CTNNA3: variants seen among roughly 807,000 people sequenced by gnomAD.
CTNNA3 encodes the protein catenin alpha-3.
In CTNNA3, 76 loss-of-function variants were observed where a neutral mutation model predicts 95.7. The ratio of observed to expected loss-of-function variants is 0.79; its 90% confidence interval spans 0.66 to 0.96. The LOEUF (loss-of-function observed/expected upper bound fraction) is 0.96. Ranked by LOEUF, CTNNA3 falls within the 40% of genes least tolerant of loss-of-function variation. The probability of loss-of-function intolerance (pLI) is 0.00; values close to 1 mark genes in which losing one functional copy is unlikely to be tolerated. For missense variants in CTNNA3, 1,191 were observed against 1,089.8 expected, an observed-to-expected ratio of 1.09 and a Z score of -1.31; for synonymous variants, 431 against 374.4, an observed-to-expected ratio of 1.15 and a Z score of -1.74.
At chr10:67,562,658 T>G (rs542965012) in intron 3 of CTNNA3, among the ~76,000 whole-genome samples, 3,128 of 151,242 alleles carry the variant, frequency 0.021, 137 homozygotes, top group African/African-American at 0.071. Context: ...GCAGGAGAAG[T>G]AAATAAAGGG....
At chr10:66,813,295 A>G (rs1723351505) in intron 7 of CTNNA3, among the ~76,000 whole-genome samples, 1 of 152,144 alleles carries the variant, frequency 6.6e-6, no homozygotes, top group Non-Finnish European at 1.5e-5. Flanking sequence ...GATCTTGTCT[A>G]ATAAAACATA....
At chr10:66,785,329 C>T (rs548396136) in intron 7 of CTNNA3, among the ~76,000 whole-genome samples, 12 of 152,266 alleles carry the variant, frequency 7.9e-5, no homozygotes, top group Middle Eastern at 3.4e-3. Flanking sequence ...CTGGGTATTT[C>T]TGAAGCTGTT....
chr10:66,515,281 C>CTATCTAT (rs1371803116), intron 11 of CTNNA3, among the ~76,000 whole-genome samples: 18 of 151,254 alleles, frequency 1.2e-4, no homozygotes, highest in African/African-American at 4.4e-4. Flanking sequence ...ATCTATCTAT[C>CTATCTAT]TATCTATCTA....
Position 66,619,740 on chromosome 10 carries a change from TA to T in CTNNA3, c.1374+1951del, listed in dbSNP as rs758647644. 2.2e-4 allele frequency among the ~76,000 whole-genome samples: 32 copies of T among 148,122 alleles called. 1 individual carries two copies. Among genetic ancestry groups the T allele is most frequent in the African/African-American group, 4.5e-4 (18 of 40,280 alleles). ...TAATAAAAACATAAAAAGTAAAAAA[TA>T]AAAAAAAAGAAGCTGTCCATATGGC... is the stretch of plus-strand genomic sequence containing the variant. On this transcript the variant is annotated intron_variant, in intron 10 of 17. Coordinates refer to ENST00000433211, the MANE Select transcript of CTNNA3 (RefSeq NM_013266.4).
chr10:66,936,834 C>T (rs1847728873), intron 7 of CTNNA3, among the ~76,000 whole-genome samples: 1 of 152,132 alleles, frequency 6.6e-6, no homozygotes, highest in South Asian at 2.1e-4. Flanking sequence ...AGCAGGATTA[C>T]TGTCCCTTCC....
chr10:66,066,848 A>G (rs978485907), intron 15 of CTNNA3, among the ~76,000 whole-genome samples: 26 of 152,202 alleles, frequency 1.7e-4, no homozygotes, highest in African/African-American at 6.3e-4. Flanking sequence ...TACATAATAG[A>G]TTATAAAATT....
At chr10:66,270,165 T>C (rs1404285181) in intron 13 of CTNNA3, among the ~76,000 whole-genome samples, 1 of 148,618 alleles carries the variant, frequency 6.7e-6, no homozygotes, top group Non-Finnish European at 1.5e-5. Flanking sequence ...TTTGAACAAA[T>C]GTCCAATTTG....
chr10:66,111,218 C>T (rs2082108654), intron 13 of CTNNA3, among the ~76,000 whole-genome samples: 1 of 152,112 alleles, frequency 6.6e-6, no homozygotes, highest in South Asian at 2.1e-4. Flanking sequence ...GCAGCATCTC[C>T]TCCTTGGCTC....
intron 5 of CTNNA3, among the ~76,000 whole-genome samples, chr10:67,351,074 G>A (rs1009610928): frequency 6.6e-6 from 1 of 151,372 alleles, no homozygotes; most frequent in Admixed American, 6.6e-5. Context: ...TGCAACAAAG[G>A]GATGAATCTC....
At chr10:66,922,466 T>A (rs1323670532) in intron 7 of CTNNA3, among the ~76,000 whole-genome samples, 3 of 152,230 alleles carry the variant, frequency 2.0e-5, no homozygotes. Flanking sequence ...CAGCCTCAAG[T>A]ATTCAGTGTG....
chr10:67,488,232 G>A (rs1226331791), intron 5 of CTNNA3, among the ~76,000 whole-genome samples: 1 of 152,098 alleles, frequency 6.6e-6, no homozygotes, highest in Non-Finnish European at 1.5e-5. Context: ...GATGGTATTT[G>A]GGAAATATAC....
chr10:66,952,319 T>C (rs559878191), intron 7 of CTNNA3, among the ~76,000 whole-genome samples: 3 of 152,298 alleles, frequency 2.0e-5, no homozygotes, highest in Non-Finnish European at 2.9e-5. Context: ...GATGTCACTT[T>C]TATACTCAAT....
At chr10:66,474,773 T>G (rs1839263478) in intron 11 of CTNNA3, among the ~76,000 whole-genome samples, 1 of 152,104 alleles carries the variant, frequency 6.6e-6, no homozygotes, top group South Asian at 2.1e-4. Flanking sequence ...TAGTTTTGAC[T>G]GAATTTCCCT....
intron 11 of CTNNA3, among the ~76,000 whole-genome samples, chr10:66,428,148 G>A (rs1245967247): frequency 6.6e-6 from 1 of 152,036 alleles, no homozygotes; most frequent in African/African-American, 2.4e-5. Context: ...GATCAAAAGA[G>A]ACAAAGAAGG....
At chr10:67,146,711 A>G (rs1860863655) in intron 7 of CTNNA3, among the ~76,000 whole-genome samples, 1 of 152,176 alleles carries the variant, frequency 6.6e-6, no homozygotes, top group African/African-American at 2.4e-5. Flanking sequence ...TCATTTCCCA[A>G]AATATTAAAG....
intron 5 of CTNNA3, among the ~76,000 whole-genome samples, chr10:67,294,329 C>T (rs1382244418): frequency 2.0e-5 from 3 of 152,106 alleles, no homozygotes; most frequent in African/African-American, 7.2e-5. Flanking sequence ...CTATGTGTTG[C>T]TACAATTTCA....
intron 10 of CTNNA3, among the ~76,000 whole-genome samples, chr10:66,604,423 A>G (rs1844042617): frequency 6.6e-6 from 1 of 152,100 alleles, no homozygotes; most frequent in Non-Finnish European, 1.5e-5. Context: ...GACACCCATT[A>G]GCACCCTGCT....
At chr10:67,210,964 G>T (rs968173174) in intron 6 of CTNNA3, among the ~76,000 whole-genome samples, 5 of 152,126 alleles carry the variant, frequency 3.3e-5, no homozygotes, top group African/African-American at 1.2e-4. Flanking sequence ...CAAGGAATCG[G>T]CATCCAAGAA....
intron 3 of CTNNA3, among the ~76,000 whole-genome samples, chr10:67,592,103 T>C (rs1842808903): frequency 6.6e-6 from 1 of 152,104 alleles, no homozygotes; most frequent in Admixed American, 6.6e-5. Flanking sequence ...AATTGAATGG[T>C]GCTTTTTCCA....
Sources: gnomAD v4.1 joint callset for allele counts (sites outside exome capture counted in the v4.1 genomes callset) on GRCh38, gnomAD v4.1.1 for gene constraint, MANE v1.5 for transcripts, NCBI Gene and HGNC (gene_info 2026-07-23, HGNC 2026-07-21) for gene names.